Variants in PFKFB3 observed in about 807,000 individuals in gnomAD.
PFKFB3 encodes 6-phosphofructo-2-kinase/fructose-2,6-bisphosphatase 3.
Under a neutral mutation model 68.0 loss-of-function variants are expected in PFKFB3, and 33 were observed. The ratio of observed to expected loss-of-function variants is 0.49; its 90% CI spans 0.37 to 0.65. PFKFB3 has a LOEUF of 0.65. PFKFB3 is among the 30% of genes least tolerant of loss of function. PFKFB3 has a pLI of 0.00. For synonymous variants in PFKFB3, 315 were observed against 288.2 expected, an observed-to-expected ratio of 1.09 and a Z score of -0.94; for missense variants, 586 against 712.2, an observed-to-expected ratio of 0.82 and a Z score of 2.02.
the PFKFB3 span, among the ~76,000 whole-genome samples, chr10:6,273,425 C>T: frequency 6.6e-6 from 1 of 152,132 alleles, no homozygotes; most frequent in African/African-American, 2.4e-5. Context: ...GCCATGCAAC[C>T]TACAATCGCA....
upstream of PFKFB3, among the ~76,000 whole-genome samples, chr10:6,199,744 G>GTC (rs1248134278): frequency 7.5e-6 from 1 of 132,856 alleles, no homozygotes; most frequent in Non-Finnish European, 1.5e-5. Flanking sequence ...CAAGCAATCC[G>GTC]TCCGCCTGAG....
chr10:6,194,279 C>G (rs1170956877), intron 1 of PFKFB3, among the ~76,000 whole-genome samples: 2 of 152,214 alleles, frequency 1.3e-5, no homozygotes, highest in African/African-American at 4.8e-5. Flanking sequence ...GGTTGAGTCT[C>G]TAAACCTAGA....
At chr10:6,224,805 G>T (rs1459887328) in intron 13 of PFKFB3, among the ~76,000 whole-genome samples, 1 of 152,130 alleles carries the variant, frequency 6.6e-6, no homozygotes, top group Admixed American at 6.6e-5. Flanking sequence ...TTTAACATCA[G>T]CATGGCACAG....
the PFKFB3 span, among the ~76,000 whole-genome samples, chr10:6,281,182 T>TATATATATATATATATATATATAC: frequency 3.3e-4 from 44 of 133,678 alleles, 2 homozygotes; most frequent in African/African-American, 1.2e-3. Flanking sequence ...TATATATATA[T>TATATATATATATATATATATATAC]ACACCACAGT....
the PFKFB3 span, chr10:6,277,618 C>T: frequency 4.4e-6 from 1 of 227,344 alleles, no homozygotes; most frequent in East Asian, 1.4e-4. Flanking sequence ...GTGGCATATC[C>T]CTGCCCCCGC....
Position 6,221,478 on chromosome 10 carries a change from C to T in PFKFB3, c.929C>T (p.Ala310Val), listed in dbSNP as rs569471270. 21 of 1,613,536 alleles carry T rather than the reference C, an allele frequency of 1.3e-5. No individual in the cohort carries two copies. In the South Asian group the frequency reaches 1.3e-4, roughly 10 times the overall value. ...QLKSTIQTAE[A>V]LRLPYEQWKA... ...AAGAGCACCATCCAGACGGCCGAGG[C>T]GCTGCGGCTGCCCTACGAGCAGTGG... The change falls in exon 9 of 15, where the codon GCG (alanine) becomes GTG (valine). Residue 310 changes from alanine (A) to valine (V), a missense_variant. Transcript: ENST00000379775.
At chr10:6,325,039 C>CTA in the PFKFB3 span, among the ~76,000 whole-genome samples, 1 of 152,178 alleles carries the variant, frequency 6.6e-6, no homozygotes, top group African/African-American at 2.4e-5. Flanking sequence ...TCTTGACTCA[C>CTA]TATAGCCTTC....
At chr10:6,291,232 C>A in the PFKFB3 span, among the ~76,000 whole-genome samples, 3 of 152,056 alleles carry the variant, frequency 2.0e-5, no homozygotes, top group Admixed American at 1.3e-4. Context: ...AAGTATTATA[C>A]CACTTAATCC....
chr10:6,165,244 T>C (rs1842095474), intron 1 of PFKFB3, among the ~76,000 whole-genome samples: 2 of 152,146 alleles, frequency 1.3e-5, no homozygotes. Flanking sequence ...TGCAAACATA[T>C]TGTTAACAAG....
downstream of PFKFB3, among the ~76,000 whole-genome samples, chr10:6,259,542 T>TCATCCATC (rs201570223): frequency 1.2e-3 from 160 of 138,090 alleles, no homozygotes; most frequent in African/African-American, 3.0e-3. Context: ...ATCCATCTGC[T>TCATCCATC]CATCCATCCA....
intron 1 of PFKFB3, among the ~76,000 whole-genome samples, chr10:6,182,938 C>T (rs7096786): frequency 0.024 from 3,720 of 152,282 alleles, 93 homozygotes; most frequent in African/African-American, 0.067. Context: ...TATGGGGCCC[C>T]ACAGACCCAC....
chr10:6,303,954 T>C, the PFKFB3 span, among the ~76,000 whole-genome samples: 38 of 152,242 alleles, frequency 2.5e-4, no homozygotes, highest in Non-Finnish European at 5.9e-5. Context: ...CACCTGTGGC[T>C]GGCTGGACCC....
At position 6,177,379 on chromosome 10, in the gene PFKFB3, T is replaced by TCTTTCTTTCTTTCTTC. The variant is rs1491178343; in HGVS notation, c.16+32381_16+32382insCCTTTCTTTCTTTCTT. 1.9e-4 allele frequency among the ~76,000 whole-genome samples: 21 copies of TCTTTCTTTCTTTCTTC among 110,140 alleles called. 1 individual carries two copies. In the East Asian group the frequency reaches 4.4e-3, roughly 23 times the overall value. The allele number at this position is 110,140 out of a possible 152,430, so 72.3% of individuals were successfully genotyped here. On this transcript the variant is annotated intron_variant, in intron 1 of 14. Coordinates refer to the PFKFB3 transcript ENST00000379789. The stretch of plus-strand genomic sequence containing the variant: ...CTCTTTCTTTCTTTCTTTCTTTCTT[T>TCTTTCTTTCTTTCTTC]CTTTCTTTCTTTCTTTCTTTCTTTC...
chr10:6,202,775 C>G (rs1843416274), upstream of PFKFB3: 9 of 653,548 alleles, frequency 1.4e-5, no homozygotes, highest in South Asian at 4.5e-4. Context: ...CGTCGCCGGC[C>G]CGCAGGGGGA....
chr10:6,205,147 C>CT (rs1843600636), intron 1 of PFKFB3, among the ~76,000 whole-genome samples: 1 of 152,242 alleles, frequency 6.6e-6, no homozygotes, highest in Non-Finnish European at 1.5e-5. Context: ...CCGCCTACTG[C>CT]TGGTATCCTC....
At chr10:6,209,199 C>T (rs1053924027) in intron 1 of PFKFB3, among the ~76,000 whole-genome samples, 1 of 152,164 alleles carries the variant, frequency 6.6e-6, no homozygotes, top group Non-Finnish European at 1.5e-5. Context: ...GTAACCATGA[C>T]AACACTTTGA....
chr10:6,275,624 G>T, the PFKFB3 span, among the ~76,000 whole-genome samples: 377 of 152,174 alleles, frequency 2.5e-3, 1 homozygote, highest in African/African-American at 8.7e-3. The surrounding 1 kb of genome is among the most constrained non-coding windows in gnomAD (Gnocchi z 4.9). Context: ...GGATCTTGTG[G>T]GTTTTTTTCT....
intron 14 of PFKFB3, among the ~76,000 whole-genome samples, chr10:6,230,874 C>T (rs1845694057): frequency 6.6e-6 from 1 of 152,170 alleles, no homozygotes; most frequent in Non-Finnish European, 1.5e-5. Flanking sequence ...CGCCACCATG[C>T]CCGGCTAATG....
intron 1 of PFKFB3, among the ~76,000 whole-genome samples, chr10:6,159,710 C>A (rs964843450): frequency 3.6e-4 from 52 of 144,376 alleles, no homozygotes; most frequent in East Asian, 3.4e-3. Context: ...AAAAAAAAAA[C>A]AAAACACCAA....
Sources: allele counts gnomAD v4.1 joint callset (sites outside exome capture counted in the v4.1 genomes callset), GRCh38; gene constraint gnomAD v4.1.1; non-coding constraint Gnocchi (gnomAD v3.1); transcripts MANE v1.5; gene names NCBI Gene and HGNC (gene_info 2026-07-23, HGNC 2026-07-21).